The following MIA3 variants were observed in gnomAD, a reference collection of about 807,000 sequenced individuals.
MIA3 encodes transport and Golgi organization protein 1 homolog.
MIA3 carries 90 observed loss-of-function variants against 192.4 expected under a neutral mutation model. The observed-to-expected ratio is 0.47, with a 90% CI of 0.39 to 0.56. MIA3 has a LOEUF of 0.56. Among genes scored for constraint, MIA3 ranks in the 20% least tolerant of loss-of-function variants. The probability of loss-of-function intolerance (pLI) is 0.00; values close to 1 mark genes in which losing one functional copy is unlikely to be tolerated. For synonymous variants in MIA3, 740 were observed against 792.8 expected, an observed-to-expected ratio of 0.93 and a Z score of 1.12; for missense variants, 2,123 against 2,269.4, an observed-to-expected ratio of 0.94 and a Z score of 1.31.
chr1:222,635,875 C>G (rs1662601401), intron 6 of MIA3, among the ~76,000 whole-genome samples: 1 of 152,166 alleles, frequency 6.6e-6, no homozygotes, highest in Admixed American at 6.5e-5. Flanking sequence ...AGCCGCCTAC[C>G]TTGCAAGGCT....
intron 4 of MIA3, among the ~76,000 whole-genome samples, chr1:222,631,688 C>T (rs892694692): frequency 1.3e-5 from 2 of 152,172 alleles, no homozygotes; most frequent in South Asian, 2.1e-4. Flanking sequence ...GATGGCTTCA[C>T]TTTGTTTGAC....
chr1:222,660,308 G>C lies in MIA3; in HGVS notation c.5107G>C (p.Glu1703Gln). 1 of 1,607,334 alleles carries C rather than the reference G, an allele frequency of 6.2e-7. No individual in the cohort carries two copies. The highest frequency in any genetic ancestry group is 8.5e-7 in the Non-Finnish European group (1 of 1,177,932). Residue 1703 changes from glutamate to glutamine, a missense_variant, in exon 24 of 28, where the codon GAA becomes CAA. By Grantham distance (29) the Glu-to-Gln change is conservative. Coordinates refer to ENST00000344922, the MANE Select transcript of MIA3 (RefSeq NM_198551.4). ...TLNRRDMPRS[E>Q]FGSVDGPLPH... ...CAATCGAAGAGATATGCCTAGAAGT[G>C]AATTTGGTGAGCATTCACATGTTTC...
At chr1:222,646,770 A>G (rs1354065798) in intron 7 of MIA3, among the ~76,000 whole-genome samples, 1 of 152,254 alleles carries the variant, frequency 6.6e-6, no homozygotes, top group African/African-American at 2.4e-5. Flanking sequence ...GAGAGCATTC[A>G]GTAGAACAGT....
intron 24 of MIA3, chr1:222,661,173 C>T (rs1320168824): frequency 6.6e-6 from 1 of 152,624 alleles, no homozygotes; most frequent in African/African-American, 2.4e-5. Context: ...TAACATAAAC[C>T]TTGAATAACA....
In MIA3 at chr1:222,630,044, T is replaced by G. The variant is rs1344109703; in HGVS notation, c.2824T>G (p.Tyr942Asp). The G allele has an allele frequency of 3.1e-6, 5 of 1,614,110 alleles. No individual in the cohort carries two copies. The Admixed American group carries it at 6.7e-5, about 22-fold the overall frequency. The change falls in exon 4 of 28, where the codon TAC (tyrosine) becomes GAC (aspartate). Residue 942 changes from tyrosine (Y) to aspartate (D), a missense_variant. Physicochemically the swap from Tyr to Asp is radical, Grantham distance 160. This residue lies in a region of MIA3 where 1,357 missense variants were observed against 1,396.1 expected (regional missense o/e 0.97). Coordinates refer to ENST00000344922, the MANE Select transcript of MIA3 (RefSeq NM_198551.4). ...EQQSLQRFQK[Y>D]FNVHELEALL... ...ACAGTCTTTGCAGCGGTTCCAGAAG[T>G]ACTTTAATGTCCATGAGCTGGAAGC... is the stretch of plus-strand genomic sequence containing the variant.
At chr1:222,646,137 C>T in intron 7 of MIA3, 1 of 154,274 alleles carries the variant, frequency 6.5e-6, no homozygotes, top group East Asian at 1.9e-4. Context: ...AACCAGTCAG[C>T]CGGCACAGTG....
intron 19 of MIA3, chr1:222,659,240 A>G (rs1020497241): frequency 5.3e-6 from 3 of 561,226 alleles, no homozygotes; most frequent in South Asian, 2.4e-5. Flanking sequence ...GAATTGTAAT[A>G]TATCAACTCA....
At chr1:222,638,499 TA>T (rs2124871254) in intron 6 of MIA3, among the ~76,000 whole-genome samples, 1 of 152,048 alleles carries the variant, frequency 6.6e-6, no homozygotes, top group East Asian at 1.9e-4. Context: ...AAGACCAGCC[TA>T]AACATGGTGA....
intron 18 of MIA3, among the ~76,000 whole-genome samples, chr1:222,657,673 A>C (rs1663805750): frequency 6.6e-6 from 1 of 152,178 alleles, no homozygotes; most frequent in Non-Finnish European, 1.5e-5. Context: ...AGAGTCAGAG[A>C]GGGATTGTTC....
chr1:222,652,613 A>G (rs1663501131), intron 13 of MIA3, among the ~76,000 whole-genome samples: 1 of 152,214 alleles, frequency 6.6e-6, no homozygotes, highest in African/African-American at 2.4e-5. Context: ...AGTGGGTAGT[A>G]GATTGGCTTT....
At chr1:222,645,509 T>G (rs377075335) in intron 6 of MIA3, 45 bp from the exon 7 acceptor site, 24 of 1,534,282 alleles carry the variant, frequency 1.6e-5, no homozygotes, top group East Asian at 2.4e-5. Flanking sequence ...ATGGTAAGCT[T>G]CTTTAAGGTT....
intron 11 of MIA3, 133 bp from the exon 12 acceptor site, chr1:222,651,844 A>G: frequency 1.5e-6 from 1 of 672,790 alleles, no homozygotes; most frequent in Non-Finnish European, 2.7e-6. Context: ...CAAAACTGAA[A>G]CACCTGCTTT....
chr1:222,666,852 ATACTC>A lies in MIA3; in HGVS notation c.*1237_*1241del, dbSNP rs1186346719. On this transcript the variant is annotated 3_prime_UTR_variant, in exon 28 of 28. Transcript: ENST00000344922. ...TGTCTTTAAAACAATGTTTCTTTAA[ATACTC>A]TACAACGTTTCTAAGAACGAACTTC... The A allele has an allele frequency of 2.0e-5, 3 of 152,196 alleles. No homozygotes were observed. The highest frequency in any genetic ancestry group is 7.2e-5 in the African/African-American group (3 of 41,448). 9.4% of individuals were successfully genotyped at this position (152,196 alleles called of 1,614,324 possible). A position where few individuals can be genotyped will look rare whatever the true frequency, so the allele number is the denominator to read the frequency against.
intron 6 of MIA3, among the ~76,000 whole-genome samples, chr1:222,635,093 G>A (rs1324217626): frequency 6.6e-6 from 1 of 152,180 alleles, no homozygotes; most frequent in Admixed American, 6.5e-5. Context: ...AAAACAAGTA[G>A]GAAAACCAAA....
At chr1:222,652,075 A>T (rs1663469266) in intron 12 of MIA3, 27 bp downstream of exon 12, 1 of 1,378,860 alleles carries the variant, frequency 7.3e-7, no homozygotes, top group African/African-American at 1.4e-5. Context: ...TTCCTGCAGG[A>T]TATTAATACT....
In MIA3 at chr1:222,659,458, G is replaced by T. The variant is rs1014784707; in HGVS notation, c.4715G>T (p.Arg1572Ile). 6.2e-7 allele frequency: 1 copy of T among 1,613,564 alleles called. No homozygotes were observed. The highest frequency in any genetic ancestry group is 1.7e-5 in the Admixed American group (1 of 59,960). Residue 1572 changes from arginine to isoleucine, a missense_variant, in exon 20 of 28, where the codon AGA (arginine) becomes ATA (isoleucine). This residue lies in a region of MIA3 where 762 missense variants were observed against 856.4 expected (regional missense o/e 0.89). Coordinates refer to ENST00000344922, the MANE Select transcript of MIA3 (RefSeq NM_198551.4). ...AAEEVKTYKR[R>I]IEEMEDELQK... The stretch of plus-strand genomic sequence containing the variant: ...AAGCCAAGTGTAATTCTTAGGCGGA[G>T]AATTGAAGAAATGGAGGATGAATTA...
chr1:222,665,576 G>C lies in MIA3; in HGVS notation c.5681G>C (p.Ser1894Thr), dbSNP rs887477588. The C allele has an allele frequency of 6.2e-7, 1 of 1,613,698 alleles. No individual in the cohort carries two copies. Among genetic ancestry groups the C allele is most frequent in the African/African-American group, 1.3e-5 (1 of 75,040 alleles). Residue 1894 changes from serine to threonine, a missense_variant, in exon 28 of 28, where the codon AGC becomes ACC. Ser to Thr is a moderately conservative substitution (Grantham distance 58, BLOSUM62 1). Around this residue, in one of 3 missense-constraint regions of MIA3, gnomAD observed 762 missense variants for 856.4 expected, o/e 0.89. Transcript: ENST00000344922. ...SRDEPPPASQ[S>T]TSQDCSQALK... ...GATGAGCCTCCACCTGCCTCTCAGA[G>C]CACTAGCCAGGACTGTTCACAGGCT...
At chr1:222,655,054 T>TTC (rs1223730866) in intron 18 of MIA3, among the ~76,000 whole-genome samples, 1 of 152,248 alleles carries the variant, frequency 6.6e-6, no homozygotes, top group African/African-American at 2.4e-5. Flanking sequence ...GTGGGAGTGC[T>TTC]TCTCTTTTGA....
chr1:222,624,705 C>T (rs551297427), intron 2 of MIA3, 63 bp from the exon 3 acceptor site: 11 of 791,504 alleles, frequency 1.4e-5, no homozygotes, highest in South Asian at 4.3e-5. Context: ...GCAGCTCTAT[C>T]GTTCATATTT....
Sources: gnomAD v4.1 joint callset for allele counts (sites outside exome capture counted in the v4.1 genomes callset) on GRCh38, gnomAD v4.1.1 for gene constraint, gnomAD v4.1.1 regional missense constraint, MANE v1.5 for transcripts, NCBI Gene and HGNC (gene_info 2026-07-23, HGNC 2026-07-21) for gene names.